Variants in TUSC3 observed in about 807,000 individuals in gnomAD.
The protein encoded by TUSC3 is dolichyl-diphosphooligosaccharide--protein glycosyltransferase subunit TUSC3.
Under a neutral mutation model 44.8 loss-of-function variants are expected in TUSC3, and 45 were observed. The ratio of observed to expected loss-of-function variants is 1.00; its 90% confidence interval spans 0.79 to 1.29. TUSC3 has a LOEUF of 1.29. TUSC3 is among the 50% of genes most tolerant of loss of function. The pLI, the probability that TUSC3 is intolerant of heterozygous loss-of-function variation, is 0.00. For synonymous variants in TUSC3, 212 were observed against 152.9 expected (o/e 1.39, Z -2.85); for missense variants, 519 against 437.9 (o/e 1.19, Z -1.65).
At chr8:15,526,513 G>T (rs1280135474) in intron 2 of TUSC3, among the ~76,000 whole-genome samples, 4 of 152,146 alleles carry the variant, frequency 2.6e-5, no homozygotes, top group Non-Finnish European at 5.9e-5. Flanking sequence ...GGTGGGGGCA[G>T]GTTTCCCCCA....
upstream of TUSC3, among the ~76,000 whole-genome samples, chr8:15,538,245 T>C (rs191591105): frequency 1.6e-4 from 25 of 152,346 alleles, no homozygotes; most frequent in East Asian, 3.7e-3. Context: ...GTTTAGTCTA[T>C]TGAAGCTTGC....
chr8:15,685,135 G>T (rs1347905916), intron 6 of TUSC3, among the ~76,000 whole-genome samples: 1 of 152,194 alleles, frequency 6.6e-6, no homozygotes, highest in East Asian at 1.9e-4. Context: ...GTGCATGCAA[G>T]TTTGAGCTGT....
intron 1 of TUSC3, among the ~76,000 whole-genome samples, chr8:15,604,549 T>A (rs1222605815): frequency 6.6e-6 from 1 of 151,812 alleles, no homozygotes; most frequent in Middle Eastern, 3.2e-3. Flanking sequence ...AAAATACAAG[T>A]GGCACCAAGA....
chr8:15,420,589 C>A (rs923875986), intron 1 of TUSC3, among the ~76,000 whole-genome samples: 5 of 131,184 alleles, frequency 3.8e-5, no homozygotes, highest in African/African-American at 1.7e-4. Flanking sequence ...TTTTGTCTGC[C>A]TCCAGTTTCT....
intron 1 of TUSC3, among the ~76,000 whole-genome samples, chr8:15,608,665 C>T (rs929542075): frequency 7.9e-5 from 12 of 152,012 alleles, no homozygotes; most frequent in Non-Finnish European, 1.5e-4. Flanking sequence ...TCGTGAGATC[C>T]GATGGTTTTA....
intron 1 of TUSC3, among the ~76,000 whole-genome samples, chr8:15,423,316 T>C (rs1274040153): frequency 6.6e-6 from 1 of 152,098 alleles, no homozygotes; most frequent in Non-Finnish European, 1.5e-5. Context: ...CTTTGTAGGA[T>C]TTGGTTTGAT....
intron 2 of TUSC3, among the ~76,000 whole-genome samples, chr8:15,625,311 T>C (rs534327533): frequency 6.6e-6 from 1 of 152,316 alleles, no homozygotes; most frequent in Admixed American, 6.5e-5. Flanking sequence ...TTATTGTTTA[T>C]AGTGTCTTTG....
In TUSC3 at chr8:15,559,491, T is replaced by C. The variant is rs1802379281; in HGVS notation, c.138+18923T>C. ...AAATGTATATTCTGTTGATTTGGGG[T>C]GGAGAGTTCTGTAGATGTCTGTTAG... On this transcript the variant is annotated intron_variant, in intron 1 of 10. Coordinates refer to ENST00000503731, the MANE Select transcript of TUSC3 (RefSeq NM_006765.4). Among the ~76,000 whole-genome samples, 2 of 143,700 alleles carry C rather than the reference T, an allele frequency of 1.4e-5. 1 individual carries two copies. Among genetic ancestry groups the C allele is most frequent in the Non-Finnish European group, 3.1e-5 (2 of 64,694 alleles). The allele number at this position is 143,700 out of a possible 152,430, so 94.3% of individuals were successfully genotyped here. A position where few individuals can be genotyped will look rare whatever the true frequency, so the allele number is the denominator to read the frequency against.
chr8:15,444,593 C>T lies in TUSC3; in HGVS notation n.91+27288C>T, dbSNP rs148828615. 3.3e-3 allele frequency among the ~76,000 whole-genome samples: 509 copies of T among 152,176 alleles called. 2 individuals are homozygous for T. The highest frequency in any genetic ancestry group is 0.012 in the African/African-American group (486 of 41,512). Reference sequence around the variant, plus strand: ...ATGGCTAAATTGACTTAGCAAGATTCTTGCTTAAAATTAGACAAATGCAGA... The same window carrying T: ...ATGGCTAAATTGACTTAGCAAGATTTTTGCTTAAAATTAGACAAATGCAGA... On this transcript the variant is annotated intron_variant and non_coding_transcript_variant, in intron 1 of 5. Transcript: ENST00000503191.
At chr8:15,665,412 A>G (rs1807614084) in intron 5 of TUSC3, among the ~76,000 whole-genome samples, 1 of 151,298 alleles carries the variant, frequency 6.6e-6, no homozygotes. Flanking sequence ...TTCCAAGGAG[A>G]ATTATTTAGT....
chr8:15,605,235 C>T (rs1027887567), intron 1 of TUSC3, among the ~76,000 whole-genome samples: 5 of 151,768 alleles, frequency 3.3e-5, no homozygotes, highest in African/African-American at 7.3e-5. Flanking sequence ...TAACTCATGC[C>T]GCTACCTGGC....
At chr8:15,851,172 G>C in the TUSC3 span, among the ~76,000 whole-genome samples, 1 of 152,148 alleles carries the variant, frequency 6.6e-6, no homozygotes, top group Non-Finnish European at 1.5e-5. Context: ...TTTCACTTTT[G>C]ACTTGTCTAG....
At chr8:15,740,695 C>G (rs1466291939) in intron 7 of TUSC3, among the ~76,000 whole-genome samples, 1 of 152,152 alleles carries the variant, frequency 6.6e-6, no homozygotes. Context: ...CTTGAACTAA[C>G]ATTGCTCATT....
At chr8:15,751,441 A>G (rs977612120) in intron 9 of TUSC3, among the ~76,000 whole-genome samples, 1 of 152,076 alleles carries the variant, frequency 6.6e-6, no homozygotes, top group African/African-American at 2.4e-5. Context: ...AGAGCCTTCT[A>G]TGTCCCTTTG....
the TUSC3 span, among the ~76,000 whole-genome samples, chr8:15,822,038 G>C: frequency 6.6e-6 from 1 of 152,134 alleles, no homozygotes; most frequent in African/African-American, 2.4e-5. Context: ...CCATTTTCTA[G>C]ATGCCCTTAA....
chr8:15,531,866 C>T (rs1029311631), intron 2 of TUSC3, among the ~76,000 whole-genome samples: 3 of 152,104 alleles, frequency 2.0e-5, no homozygotes, highest in African/African-American at 4.8e-5. Context: ...CTTGGGGAAA[C>T]TTTGACATTA....
At chr8:15,649,598 A>G (rs1806794631) in intron 2 of TUSC3, among the ~76,000 whole-genome samples, 1 of 152,016 alleles carries the variant, frequency 6.6e-6, no homozygotes, top group African/African-American at 2.4e-5. Context: ...GAAAAAAAAA[A>G]AAAAAAGTTT....
chr8:15,591,388 CA>C (rs1563307617), intron 1 of TUSC3, among the ~76,000 whole-genome samples: 1 of 152,058 alleles, frequency 6.6e-6, no homozygotes, highest in African/African-American at 2.4e-5. Context: ...GGTTTTTGGA[CA>C]AAGTTTAATC....
chr8:15,587,277 A>AT (rs951399080), intron 1 of TUSC3, among the ~76,000 whole-genome samples: 41 of 152,010 alleles, frequency 2.7e-4, no homozygotes, highest in African/African-American at 8.7e-4. Flanking sequence ...TCTTGAGTTT[A>AT]TTTTTTTAAA....
Sources: gnomAD v4.1 joint callset for allele counts (sites outside exome capture counted in the v4.1 genomes callset) on GRCh38, gnomAD v4.1.1 for gene constraint, MANE v1.5 for transcripts, NCBI Gene and HGNC (gene_info 2026-07-23, HGNC 2026-07-21) for gene names.